SH3D19: variants seen among roughly 807,000 people sequenced by gnomAD.
SH3D19 encodes SH3 domain containing 19.
In SH3D19, 58 loss-of-function variants were observed where a neutral mutation model predicts 112.1. The ratio of observed to expected loss-of-function variants is 0.52; its 90% CI spans 0.42 to 0.64. The LOEUF (loss-of-function observed/expected upper bound fraction) is 0.64. SH3D19 is among the 30% of genes least tolerant of loss of function. The pLI is 0.00. For missense variants in SH3D19, 1,090 were observed against 1,263.4 expected (o/e 0.86, Z 2.08); for synonymous variants, 391 against 448.5 (o/e 0.87, Z 1.62).
intron 13 of SH3D19, among the ~76,000 whole-genome samples, chr4:151,139,201 C>A (rs572234244): frequency 6.6e-6 from 1 of 151,802 alleles, no homozygotes; most frequent in East Asian, 1.9e-4. Context: ...TCCCTCGGGC[C>A]GGAGTGCAGT....
chr4:151,135,701 T>C (rs1310084343), intron 14 of SH3D19, among the ~76,000 whole-genome samples: 2 of 152,034 alleles, frequency 1.3e-5, no homozygotes, highest in African/African-American at 4.8e-5. Context: ...AGTGCTGGTA[T>C]TATAGGTGTG....
chr4:151,124,254 G>C (rs1317922916), intron 19 of SH3D19, among the ~76,000 whole-genome samples: 1 of 151,872 alleles, frequency 6.6e-6, no homozygotes, highest in Non-Finnish European at 1.5e-5. Flanking sequence ...CTACAGGTAT[G>C]CACCACCACA....
Position 151,128,200 on chromosome 4 carries a change from A to AGAT in SH3D19, c.2896_2898dup (p.Ile966dup). On this transcript the variant is annotated inframe_insertion, in exon 18 of 20. Coordinates refer to ENST00000604030, the MANE Select transcript of SH3D19 (RefSeq NM_001378122.1). ...CAGGGCCTCACAAACACTGCTGGGA[A>AGAT]GATCCCCTCCCTGTCCTGCAGTCTG... 6.2e-7 allele frequency: 1 copy of AGAT among 1,611,662 alleles called. No homozygotes were observed. Among genetic ancestry groups the AGAT allele is most frequent in the Non-Finnish European group, 8.5e-7 (1 of 1,178,944 alleles).
intron 2 of SH3D19, among the ~76,000 whole-genome samples, chr4:151,211,977 A>G (rs1444573083): frequency 1.3e-5 from 2 of 152,214 alleles, no homozygotes; most frequent in Non-Finnish European, 2.9e-5. Flanking sequence ...ACTAAACAGC[A>G]GATTTTCAGT....
At chr4:151,253,043 T>C (rs923018990) in intron 1 of SH3D19, among the ~76,000 whole-genome samples, 2 of 152,212 alleles carry the variant, frequency 1.3e-5, no homozygotes, top group Non-Finnish European at 2.9e-5. Flanking sequence ...TCCCTGACCA[T>C]TATCAATCTA....
chr4:151,150,653 C>G (rs971619218), intron 9 of SH3D19, among the ~76,000 whole-genome samples: 1 of 151,602 alleles, frequency 6.6e-6, no homozygotes, highest in Non-Finnish European at 1.5e-5. Flanking sequence ...AAAAGAGTTT[C>G]GTAGAAAAGA....
chr4:151,142,795 T>A (rs963806248), intron 12 of SH3D19, among the ~76,000 whole-genome samples: 10 of 152,078 alleles, frequency 6.6e-5, no homozygotes, highest in African/African-American at 2.2e-4. Context: ...AAAAAAAAAA[T>A]GTAACAATAG....
chr4:151,146,586 G>A (rs1164530909), intron 11 of SH3D19, among the ~76,000 whole-genome samples: 1 of 152,224 alleles, frequency 6.6e-6, no homozygotes, highest in African/African-American at 2.4e-5. Flanking sequence ...AGGCTGGAGT[G>A]CAGTGGCACA....
intron 1 of SH3D19, among the ~76,000 whole-genome samples, chr4:151,252,826 A>G (rs1771520337): frequency 1.3e-5 from 2 of 152,290 alleles, no homozygotes; most frequent in South Asian, 4.1e-4. Flanking sequence ...CACTCTTCCA[A>G]TGGCTCAGGC....
chr4:151,324,577 G>A (rs1038475127), intron 1 of SH3D19, among the ~76,000 whole-genome samples: 2 of 152,134 alleles, frequency 1.3e-5, no homozygotes, highest in Admixed American at 6.5e-5. Context: ...TCACTAATGT[G>A]CCAAACTATT....
At chr4:151,312,360 G>A (rs1338706677) in intron 1 of SH3D19, among the ~76,000 whole-genome samples, 1 of 152,116 alleles carries the variant, frequency 6.6e-6, no homozygotes, top group Non-Finnish European at 1.5e-5. Flanking sequence ...GGATACTAAG[G>A]CAGTGATTCT....
chr4:151,315,460 T>C (rs1447873648), intron 1 of SH3D19, among the ~76,000 whole-genome samples: 4 of 152,224 alleles, frequency 2.6e-5, no homozygotes, highest in African/African-American at 7.2e-5. Context: ...GTCTTAGTCA[T>C]AGGTCACCTC....
chr4:151,304,881 C>T (rs887164632), intron 1 of SH3D19, among the ~76,000 whole-genome samples: 2 of 152,066 alleles, frequency 1.3e-5, no homozygotes, highest in African/African-American at 4.8e-5. Context: ...TTGTAAACTG[C>T]CTGTCTGAGT....
intron 1 of SH3D19, among the ~76,000 whole-genome samples, chr4:151,313,445 C>G (rs1413650355): frequency 6.6e-6 from 1 of 151,512 alleles, no homozygotes; most frequent in African/African-American, 2.4e-5. Flanking sequence ...GAGATAAGGT[C>G]TCACTCTGTC....
chr4:151,267,455 T>G (rs1772893236), intron 1 of SH3D19, among the ~76,000 whole-genome samples: 2 of 151,404 alleles, frequency 1.3e-5, no homozygotes, highest in South Asian at 2.1e-4. Context: ...CCTAGTTATT[T>G]GTACCTCTTG....
chr4:151,228,317 T>G (rs1180174546), intron 1 of SH3D19, among the ~76,000 whole-genome samples: 1 of 152,162 alleles, frequency 6.6e-6, no homozygotes, highest in Non-Finnish European at 1.5e-5. Flanking sequence ...TAAGGGTAAA[T>G]TATCCATTAC....
intron 1 of SH3D19, among the ~76,000 whole-genome samples, chr4:151,295,275 T>C (rs977657564): frequency 5.9e-5 from 9 of 152,184 alleles, no homozygotes; most frequent in Non-Finnish European, 1.3e-4. Flanking sequence ...GGGGCCAGGA[T>C]GGCAAAGAGG....
chr4:151,265,943 G>C (rs1337101876), intron 1 of SH3D19: 3 of 151,988 alleles, frequency 2.0e-5, no homozygotes, highest in Non-Finnish European at 4.4e-5. Flanking sequence ...TGAGGGAATG[G>C]GAACTATTTT....
intron 1 of SH3D19, chr4:151,300,741 G>A (rs1472724390): frequency 6.6e-6 from 1 of 152,148 alleles, no homozygotes; most frequent in African/African-American, 2.4e-5. Context: ...AATTGCTTTG[G>A]TGGTTGTATA....
Sources: gnomAD v4.1 joint callset for allele counts (sites outside exome capture counted in the v4.1 genomes callset) on GRCh38, gnomAD v4.1.1 for gene constraint, MANE v1.5 for transcripts, NCBI Gene and HGNC (gene_info 2026-07-23, HGNC 2026-07-21) for gene names.